Variants in ZIK1 observed in about 807,000 individuals in gnomAD.
ZIK1 encodes zinc finger protein interacting with K protein 1, also known as zinc finger protein interacting with ribonucleoprotein K.
A neutral mutation model predicts 10.7 loss-of-function variants in ZIK1; 12 were observed. The ratio of observed to expected loss-of-function variants is 1.12; its 90% CI spans 0.72 to 1.81. The LOEUF (loss-of-function observed/expected upper bound fraction) is 1.81, where lower values mean the gene tolerates loss of function less well. Ranked by LOEUF, ZIK1 falls within the 40% of genes most tolerant of loss-of-function variation. ZIK1 has a pLI of 0.00. For missense variants in ZIK1, 497 were observed against 585.7 expected (o/e 0.85, Z 1.56); for synonymous variants, 190 against 205.0 (o/e 0.93, Z 0.63).
Position 57,584,222 on chromosome 19 carries a change from G to A in ZIK1, c.-135G>A. ...GGAGCGCTTTGTTTGGCGACAGTCG[G>A]AAGGCGCGAGGGGAGGGGTCCTCCC... On this transcript the variant is annotated 5_prime_UTR_variant, in exon 1 of 4. Transcript: ENST00000597850. 3 of 1,433,940 alleles carry A rather than the reference G, an allele frequency of 2.1e-6. No homozygotes were observed. The highest frequency in any genetic ancestry group is 2.8e-5 in the South Asian group (2 of 70,964). The allele number at this position is 1,433,940 out of a possible 1,614,324, so 88.8% of individuals were successfully genotyped here.
At position 57,590,752 on chromosome 19, in the gene ZIK1, A is replaced by G; in HGVS notation, c.941A>G (p.Gln314Arg). Reference protein sequence around the residue: ...FRQNSSLVDHQKIHTGARPYE... With the variant: ...FRQNSSLVDHRKIHTGARPYE... Reference sequence around the variant, plus strand: ...CAAAACTCCAGCCTTGTTGACCACCAGAAAATACACACTGGAGCAAGGCCT... The same window carrying G: ...CAAAACTCCAGCCTTGTTGACCACCGGAAAATACACACTGGAGCAAGGCCT... The change falls in exon 4 of 4, where the codon CAG (glutamine) becomes CGG (arginine). Residue 314 changes from glutamine (Q) to arginine (R), a missense_variant. Coordinates refer to ENST00000597850, the MANE Select transcript of ZIK1 (RefSeq NM_001010879.4). The G allele has an allele frequency of 6.2e-7, 1 of 1,614,226 alleles. No individual in the cohort carries two copies. The highest frequency in any genetic ancestry group is 8.5e-7 in the Non-Finnish European group (1 of 1,180,042).
rs772370361 is a variant in ZIK1 at position 57,590,396 on chromosome 19, C to T, written c.585C>T (p.Gly195=). ...SLVFPGGKKP[G]TITECGEDIR... ...TCTTTCCTGGAGGCAAGAAACCCGG[C>T]ACAATTACTGAATGTGGGGAGGACA... is the stretch of plus-strand genomic sequence containing the variant. The change falls in exon 4 of 4, where the codon GGC becomes GGT. Residue 195 remains glycine (G), a synonymous_variant. Transcript: ENST00000597850. The T allele has an allele frequency of 6.2e-7, 1 of 1,614,190 alleles. No homozygotes were observed. The highest frequency in any genetic ancestry group is 8.5e-7 in the Non-Finnish European group (1 of 1,180,036).
intron 2 of ZIK1, among the ~76,000 whole-genome samples, chr19:57,587,849 G>T: frequency 2.0e-5 from 3 of 152,246 alleles, no homozygotes; most frequent in Middle Eastern, 3.4e-3. Flanking sequence ...TAGGTTGGAG[G>T]TAGAGAGCCA....
rs368879763 is a variant in ZIK1, at chr19:57,590,353, G to A, written c.542G>A (p.Arg181Gln). 33 of 1,614,080 alleles carry A rather than the reference G, an allele frequency of 2.0e-5. No individual in the cohort carries two copies. The highest frequency in any genetic ancestry group is 8.0e-5 in the African/African-American group (6 of 74,936). The change falls in exon 4 of 4, where the codon CGG becomes CAG. Residue 181 changes from arginine to glutamine, a missense_variant. Arg to Gln is a conservative substitution (Grantham distance 43). Transcript: ENST00000597850. ...EVGKDLPAML[R>Q]LLRSLVFPGG... is the part of the protein sequence containing the mutation. Reference sequence around the variant, plus strand: ...GGAAAGGACCTTCCAGCCATGTTGCGGCTTCTGAGGTCCCTGGTCTTTCCT... The same window carrying A: ...GGAAAGGACCTTCCAGCCATGTTGCAGCTTCTGAGGTCCCTGGTCTTTCCT...
At chr19:57,586,811 C>T (rs1979202134) in intron 2 of ZIK1, among the ~76,000 whole-genome samples, 1 of 152,168 alleles carries the variant, frequency 6.6e-6, no homozygotes, top group South Asian at 2.1e-4. Flanking sequence ...CAAACTGTTC[C>T]AACCTCTGCC....
Position 57,591,094 on chromosome 19 carries a change from T to C in ZIK1, c.1283T>C (p.Ile428Thr). Residue 428 changes from isoleucine to threonine, a missense_variant, in exon 4 of 4, where the codon ATT (isoleucine) becomes ACT (threonine). Physicochemically the swap from Ile to Thr is moderately conservative, Grantham distance 89. Coordinates refer to ENST00000597850, the MANE Select transcript of ZIK1 (RefSeq NM_001010879.4). ...QSSILIQHRRIHTGARPYECG... is the reference protein window; with the variant it reads ...QSSILIQHRRTHTGARPYECG... The stretch of plus-strand genomic sequence containing the variant: ...TCCATCCTTATTCAACACCGGAGAA[T>C]TCATACTGGAGCAAGGCCTTATGAG... The C allele has an allele frequency of 6.2e-7, 1 of 1,614,054 alleles. No individual in the cohort carries two copies. Among genetic ancestry groups the C allele is most frequent in the Non-Finnish European group, 8.5e-7 (1 of 1,180,000 alleles).
intron 1 of ZIK1, chr19:57,584,591 G>T: frequency 7.1e-7 from 1 of 1,402,338 alleles, no homozygotes; most frequent in Middle Eastern, 1.9e-4. Context: ...CAGTGAAGAA[G>T]GTTCATACCT....
At chr19:57,588,298 T>C (rs1440055666) in intron 2 of ZIK1, among the ~76,000 whole-genome samples, 4 of 152,012 alleles carry the variant, frequency 2.6e-5, no homozygotes, top group African/African-American at 9.7e-5. Flanking sequence ...GAAAGACCCT[T>C]GGGGAACTGC....
At chr19:57,584,892 G>A in intron 1 of ZIK1, 60 bp from the exon 2 acceptor site, 2 of 1,581,962 alleles carry the variant, frequency 1.3e-6, no homozygotes, top group South Asian at 2.3e-5. Flanking sequence ...ATCCAGGGAA[G>A]CCTGAATCCG....
chr19:57,591,062 T>C lies in ZIK1; in HGVS notation c.1251T>C (p.Ser417=). ...GTGGTGACTGTGGGAAATCCTTTAGTCAAAGCTCCATCCTTATTCAACACC... is the reference window on the plus strand; with the variant it reads ...GTGGTGACTGTGGGAAATCCTTTAGCCAAAGCTCCATCCTTATTCAACACC... ...YKCGDCGKSF[S]QSSILIQHRR... is the part of the protein sequence containing the mutation. Residue 417 remains serine, a synonymous_variant, in exon 4 of 4, where the codon AGT becomes AGC. Transcript: ENST00000597850. 6.2e-7 allele frequency: 1 copy of C among 1,612,996 alleles called. No homozygotes were observed. Among genetic ancestry groups the C allele is most frequent in the South Asian group, 1.1e-5 (1 of 91,012 alleles).
chr19:57,585,188 C>T (rs1317857447), intron 2 of ZIK1, among the ~76,000 whole-genome samples, 198 bp downstream of exon 2: 1 of 152,138 alleles, frequency 6.6e-6, no homozygotes, highest in Non-Finnish European at 1.5e-5. Context: ...TGAAAGGTTG[C>T]CCCGCCTACG....
rs144654110 is a variant in ZIK1, at chr19:57,591,088, G to A, written c.1277G>A (p.Arg426Gln). 208 of 1,612,744 alleles carry A rather than the reference G, an allele frequency of 1.3e-4. No homozygotes were observed. The East Asian group carries it at 1.7e-3, about 13-fold the overall frequency. Residue 426 changes from arginine to glutamine, a missense_variant, in exon 4 of 4, where the codon CGG becomes CAG. Arg to Gln is a conservative substitution (Grantham distance 43). Coordinates refer to ENST00000597850, the MANE Select transcript of ZIK1 (RefSeq NM_001010879.4). Reference protein sequence around the residue: ...FSQSSILIQHRRIHTGARPYE... With the variant: ...FSQSSILIQHQRIHTGARPYE... The stretch of plus-strand genomic sequence containing the variant: ...CAAAGCTCCATCCTTATTCAACACC[G>A]GAGAATTCATACTGGAGCAAGGCCT...
At chr19:57,585,334 C>T (rs1470079433) in intron 2 of ZIK1, among the ~76,000 whole-genome samples, 1 of 152,140 alleles carries the variant, frequency 6.6e-6, no homozygotes, top group African/African-American at 2.4e-5. Flanking sequence ...GGTGTTTTTT[C>T]TGGAGGTGAT....
In ZIK1 at chr19:57,589,430, CTT is replaced by C. The variant is rs993895626; in HGVS notation, c.200-580_200-579del. ...TTCTCAGTACTTGACACTTCTCTCT[CTT>C]ATTATTTTTATCTATGACTTCTAGC... On this transcript the variant is annotated intron_variant, in intron 3 of 3. Coordinates refer to ENST00000597850, the MANE Select transcript of ZIK1 (RefSeq NM_001010879.4). 14 of 985,448 alleles carry C rather than the reference CTT, an allele frequency of 1.4e-5. No individual in the cohort carries two copies. In the African/African-American group the frequency reaches 2.4e-4, roughly 17 times the overall value. The allele number at this position is 985,448 out of a possible 1,614,324, so 61.0% of individuals were successfully genotyped here. A position where few individuals can be genotyped will look rare whatever the true frequency, so the allele number is the denominator to read the frequency against.
chr19:57,584,674 G>A (rs770485438), intron 1 of ZIK1: 44 of 1,360,926 alleles, frequency 3.2e-5, no homozygotes, highest in Non-Finnish European at 4.0e-5. Flanking sequence ...GTACAGAAGC[G>A]GCATATGGTC....
chr19:57,585,023 C>A, intron 2 of ZIK1, 33 bp downstream of exon 2: 1 of 1,599,540 alleles, frequency 6.3e-7, no homozygotes, highest in South Asian at 1.1e-5. Flanking sequence ...CCTCACTGGT[C>A]CTGGCCCCAT....
In ZIK1 at chr19:57,592,264, A is replaced by T. The variant is rs1374028566; in HGVS notation, c.*989A>T. On this transcript the variant is annotated 3_prime_UTR_variant, in exon 4 of 4. Transcript: ENST00000597850. ...TCACGCAGAAGACAACGCGAGTCAC[A>T]TGTGAACTGTAATTGGTACAGAAAT... The T allele has an allele frequency of 6.6e-6, 1 of 152,128 alleles. No individual in the cohort carries two copies. Among genetic ancestry groups the T allele is most frequent in the Non-Finnish European group, 1.5e-5 (1 of 68,026 alleles). 9.4% of individuals were successfully genotyped at this position (152,128 alleles called of 1,614,324 possible).
Position 57,584,327 on chromosome 19 carries a change from GT to G in ZIK1, c.-29del. On this transcript the variant is annotated 5_prime_UTR_variant, in exon 1 of 4. Coordinates refer to ENST00000597850, the MANE Select transcript of ZIK1 (RefSeq NM_001010879.4). ...AGGTCCCTCCGCCCGTAGCTGTCGG[GT>G]CCCGGCCCCGCTCTGCCCACAGACT... 6.4e-7 allele frequency: 1 copy of G among 1,573,560 alleles called. No individual in the cohort carries two copies. The highest frequency in any genetic ancestry group is 8.6e-7 in the Non-Finnish European group (1 of 1,159,880).
At chr19:57,584,570 T>C (rs925544987) in intron 1 of ZIK1, 181 bp downstream of exon 1, 54 of 1,406,502 alleles carry the variant, frequency 3.8e-5, no homozygotes, top group Non-Finnish European at 4.9e-5. Flanking sequence ...GTTTCTAAAC[T>C]CTTGGAGACA....
Sources: allele counts gnomAD v4.1 joint callset (sites outside exome capture counted in the v4.1 genomes callset), GRCh38; gene constraint gnomAD v4.1.1; transcripts MANE v1.5; gene names NCBI Gene and HGNC (gene_info 2026-07-23, HGNC 2026-07-21).